The following FRMPD4 variants were observed in gnomAD, a reference collection of about 807,000 sequenced individuals.
FRMPD4 encodes FERM and PDZ domain-containing protein 4.
FRMPD4 carries 22 observed loss-of-function variants against 94.1 expected under a neutral mutation model. The observed-to-expected ratio is 0.23, with a 90% CI of 0.17 to 0.33. FRMPD4 has a LOEUF of 0.33. Among genes scored for constraint, FRMPD4 ranks in the 10% least tolerant of loss-of-function variants. The pLI, the probability that FRMPD4 is intolerant of heterozygous loss-of-function variation, is 1.00. For synonymous variants in FRMPD4, 631 were observed against 548.6 expected, an observed-to-expected ratio of 1.15 and a Z score of -2.10; for missense variants, 1,111 against 1,339.9, an observed-to-expected ratio of 0.83 and a Z score of 2.67.
At chrX:12,501,321 GT>G (rs1013286807) in intron 2 of FRMPD4, among the ~76,000 whole-genome samples, 2 of 112,308 alleles carry the variant, frequency 1.8e-5, no homozygotes, top group African/African-American at 3.2e-5. Context: ...TGAAAAGTAA[GT>G]TTCTACAGTC....
At chrX:12,509,895 C>T (rs765924981) in intron 2 of FRMPD4, among the ~76,000 whole-genome samples, 1 of 111,871 alleles carries the variant, frequency 8.9e-6, no homozygotes, top group African/African-American at 3.2e-5. Context: ...GAAATAGTGT[C>T]GTTGCAGTGT....
intron 1 of FRMPD4, among the ~76,000 whole-genome samples, chrX:12,160,675 A>G (rs1176535029): frequency 8.9e-6 from 1 of 111,835 alleles, no homozygotes; most frequent in East Asian, 2.8e-4. Flanking sequence ...GCCCCAAGAT[A>G]TAATTATCTT....
intron 2 of FRMPD4, among the ~76,000 whole-genome samples, chrX:12,554,324 T>G (rs1283120375): frequency 9.0e-6 from 1 of 111,722 alleles, no homozygotes; most frequent in Non-Finnish European, 1.9e-5. Flanking sequence ...CATAATCCAC[T>G]AATGCATTCA....
intron 2 of FRMPD4, among the ~76,000 whole-genome samples, chrX:12,588,071 T>C (rs1311884256): frequency 2.7e-5 from 3 of 112,176 alleles, no homozygotes; most frequent in Non-Finnish European, 5.6e-5. Flanking sequence ...TCACTGCAAC[T>C]TCCACCTCCT....
chrX:12,359,529 G>A (rs995478933), intron 1 of FRMPD4, among the ~76,000 whole-genome samples: 5 of 106,356 alleles, frequency 4.7e-5, no homozygotes, highest in African/African-American at 1.4e-4. Flanking sequence ...GTATAGTGGC[G>A]CAGTCTTGGC....
At chrX:12,465,250 C>G (rs922008532) in intron 1 of FRMPD4, among the ~76,000 whole-genome samples, 2 of 111,875 alleles carry the variant, frequency 1.8e-5, no homozygotes, top group African/African-American at 6.5e-5. Context: ...GAGCATGGCC[C>G]AGGTTGGATA....
rs754389904 is a variant in FRMPD4 at position 12,146,033 on chromosome X, T to C, written c.41+7021T>C. Reference sequence around the variant, plus strand: ...AATCCATATTCTTTATCCTTACCCTTTTGGGTTTGGCCTGATTCACTTGGT... The same window carrying C: ...AATCCATATTCTTTATCCTTACCCTCTTGGGTTTGGCCTGATTCACTTGGT... On this transcript the variant is annotated intron_variant, in intron 1 of 16. Transcript: ENST00000675598. 4.5e-5 allele frequency among the ~76,000 whole-genome samples: 5 copies of C among 111,814 alleles called. No individual in the cohort carries two copies. In the South Asian group the frequency reaches 1.9e-3, roughly 43 times the overall value.
intron 3 of FRMPD4, among the ~76,000 whole-genome samples, chrX:12,029,117 G>T (rs1220476956): frequency 8.9e-6 from 1 of 112,110 alleles, no homozygotes; most frequent in Non-Finnish European, 1.9e-5. Flanking sequence ...AGGAGTTCTT[G>T]TTGCTACACG....
At chrX:12,531,447 A>T (rs768915584) in intron 2 of FRMPD4, among the ~76,000 whole-genome samples, 7 of 111,983 alleles carry the variant, frequency 6.3e-5, no homozygotes, top group Non-Finnish European at 1.1e-4. Context: ...AGTTTCTTGG[A>T]CATCAGATTT....
intron 1 of FRMPD4, among the ~76,000 whole-genome samples, chrX:12,360,081 C>G (rs1242556710): frequency 8.9e-6 from 1 of 112,266 alleles, no homozygotes; most frequent in Non-Finnish European, 1.9e-5. Flanking sequence ...TTTGCTTTTG[C>G]TTTTATGTTT....
chrX:11,901,726 TC>T (rs1384679166), intron 3 of FRMPD4, among the ~76,000 whole-genome samples: 1 of 112,080 alleles, frequency 8.9e-6, no homozygotes, highest in Non-Finnish European at 1.9e-5. Flanking sequence ...TGTAAAAGTG[TC>T]CCCTTTTCAC....
chrX:11,993,982 G>T (rs1432454645), intron 3 of FRMPD4, among the ~76,000 whole-genome samples: 1 of 111,340 alleles, frequency 9.0e-6, no homozygotes, highest in East Asian at 2.8e-4. Context: ...GCAACAGAAT[G>T]AAAATATGAG....
At chrX:12,400,364 A>T (rs774915898) in intron 1 of FRMPD4, among the ~76,000 whole-genome samples, 21 of 112,121 alleles carry the variant, frequency 1.9e-4, no homozygotes, top group African/African-American at 6.8e-4. Flanking sequence ...CAGAGAGAAA[A>T]CACCAACTGG....
rs780126204 is a variant in FRMPD4, at chrX:12,634,824, C to CTTTTT, written c.422+19966_422+19970dup. On this transcript the variant is annotated intron_variant, in intron 4 of 16. Transcript: ENST00000675598. ...TCTTTTCTCTATGAAGTCCATCTCTCTTTTTTTTTTTTTTTTTTTTTTTTT... is the reference window on the plus strand; with the variant it reads ...TCTTTTCTCTATGAAGTCCATCTCTCTTTTTTTTTTTTTTTTTTTTTTTTTTTTTT... 2.1e-3 allele frequency among the ~76,000 whole-genome samples: 109 copies of CTTTTT among 52,222 alleles called. 5 individuals are homozygous for CTTTTT. The highest frequency in any genetic ancestry group is 6.2e-3 in the African/African-American group (72 of 11,561). 45.3% of individuals were successfully genotyped at this position (52,222 alleles called of 115,157 possible).
rs758465281 is a variant in FRMPD4 at position 12,512,549 on chromosome X, A to T, written c.158+13753A>T. The stretch of plus-strand genomic sequence containing the variant: ...CATCCATGTCCCTGCAAAGGACAAG[A>T]TCTCATTCCTTTTTATGGCTGCATA... On this transcript the variant is annotated intron_variant, in intron 2 of 16. Coordinates refer to ENST00000675598, the MANE Select transcript of FRMPD4 (RefSeq NM_001368397.1). Among the ~76,000 whole-genome samples the T allele has an allele frequency of 1.5e-4, 17 of 112,845 alleles. No individual in the cohort carries two copies. The South Asian group carries it at 5.9e-3, about 39-fold the overall frequency.
At chrX:12,537,879 G>A (rs1231391977) in intron 2 of FRMPD4, among the ~76,000 whole-genome samples, 1 of 111,342 alleles carries the variant, frequency 9.0e-6, no homozygotes, top group Non-Finnish European at 1.9e-5. Context: ...TGGTGAAAAG[G>A]TGGTTCCAAG....
intron 3 of FRMPD4, among the ~76,000 whole-genome samples, chrX:11,971,232 A>C (rs965163337): frequency 8.0e-5 from 9 of 112,329 alleles, no homozygotes; most frequent in African/African-American, 2.9e-4. Flanking sequence ...AGGGCCAGGG[A>C]AACATGTTTT....
chrX:12,174,793 C>T (rs964974683), intron 1 of FRMPD4, among the ~76,000 whole-genome samples: 24 of 112,250 alleles, frequency 2.1e-4, no homozygotes, highest in Non-Finnish European at 3.2e-4. Context: ...TTCATGCCTT[C>T]CTACCCTTAA....
At chrX:12,440,647 A>G (rs915454529) in intron 1 of FRMPD4, among the ~76,000 whole-genome samples, 1 of 111,140 alleles carries the variant, frequency 9.0e-6, no homozygotes, top group Admixed American at 9.6e-5. Context: ...TGTAAAGAAG[A>G]TCTGCAAATG....
Sources: gnomAD v4.1 joint callset for allele counts (sites outside exome capture counted in the v4.1 genomes callset) on GRCh38, gnomAD v4.1.1 for gene constraint, MANE v1.5 for transcripts, NCBI Gene and HGNC (gene_info 2026-07-23, HGNC 2026-07-21) for gene names.